The following EIF2AK1 variants were observed in gnomAD, a reference collection of about 807,000 sequenced individuals.
The protein encoded by EIF2AK1 is eukaryotic translation initiation factor 2-alpha kinase 1.
EIF2AK1 carries 54 observed loss-of-function variants against 77.9 expected under a neutral mutation model. That is an observed-to-expected ratio of 0.69 (90% CI 0.56 to 0.87). The LOEUF (loss-of-function observed/expected upper bound fraction) is 0.87, where lower values mean the gene tolerates loss of function less well. Ranked by LOEUF, EIF2AK1 falls within the 40% of genes least tolerant of loss-of-function variation. EIF2AK1 has a pLI of 0.00. For missense variants in EIF2AK1, 810 were observed against 768.6 expected (o/e 1.05, Z -0.64); for synonymous variants, 314 against 290.5 (o/e 1.08, Z -0.82).
rs56841160 is a variant in EIF2AK1, at chr7:6,036,112, C to A, written c.1332+1312G>T. 2.5e-4 allele frequency: 395 copies of A among 1,550,728 alleles called. 1 individual carries two copies. In the African/African-American group the frequency reaches 5.0e-3, roughly 20 times the overall value. The stretch of plus-strand genomic sequence containing the variant: ...CAGCGCAGTTGCAATGTAAGAGATA[C>A]GGCACTTCTGGCCAGGCTACTTTAT... On this transcript the variant is annotated intron_variant, in intron 11 of 14. Transcript: ENST00000199389. This position sits in a 1 kb window ranked among gnomAD's most constrained non-coding sequence, Gnocchi z 4.6.
chr7:6,055,033 G>A (rs1583501157), intron 1 of EIF2AK1, among the ~76,000 whole-genome samples: 1 of 152,156 alleles, frequency 6.6e-6, no homozygotes, highest in East Asian at 1.9e-4. Context: ...CAAGACCCAG[G>A]CATAAAGAAA....
chr7:6,051,885 C>T (rs1186890366), intron 2 of EIF2AK1, among the ~76,000 whole-genome samples: 6 of 151,994 alleles, frequency 3.9e-5, no homozygotes, highest in African/African-American at 1.4e-4. Flanking sequence ...AAACTTCAGT[C>T]ATCTAGACTG....
rs763946622 is a variant in EIF2AK1 at position 6,054,555 on chromosome 7, C to T, written c.268G>A (p.Val90Met). ...ATTTATTCTTACTTACGCTTAAACA[C>T]CTGTCTTGAACGAAGTGGGTTTGGT... ...HEPNPLRSRQ[V>M]FKLLCQTFIK... The change falls in exon 2 of 15, where the codon GTG becomes ATG. Residue 90 changes from valine to methionine, a missense_variant. By Grantham distance (21) the Val-to-Met change is conservative. Coordinates refer to ENST00000199389, the MANE Select transcript of EIF2AK1 (RefSeq NM_014413.4). 4 of 1,613,954 alleles carry T rather than the reference C, an allele frequency of 2.5e-6. No homozygotes were observed. In the East Asian group the frequency reaches 6.7e-5, roughly 27 times the overall value.
Position 6,032,778 on chromosome 7 carries a change from C to A in EIF2AK1, c.1333-3746G>T. ...TATTGCCTTTGAAACGGCAAGCTAA[C>A]ACAAACAGTATTTTTAACTACACAG... On this transcript the variant is annotated intron_variant, in intron 11 of 14. Coordinates refer to ENST00000199389, the MANE Select transcript of EIF2AK1 (RefSeq NM_014413.4). This position sits in a 1 kb window ranked among gnomAD's most constrained non-coding sequence, Gnocchi z 4.3. The A allele has an allele frequency of 1.4e-6, 2 of 1,385,126 alleles. No homozygotes were observed. The highest frequency in any genetic ancestry group is 2.0e-6 in the Non-Finnish European group (2 of 1,001,588). 85.8% of individuals were successfully genotyped at this position (1,385,126 alleles called of 1,614,324 possible). A position where few individuals can be genotyped will look rare whatever the true frequency, so the allele number is the denominator to read the frequency against.
chr7:6,026,078 T>G (rs1583473159), intron 14 of EIF2AK1, among the ~76,000 whole-genome samples: 1 of 151,852 alleles, frequency 6.6e-6, no homozygotes, highest in Non-Finnish European at 1.5e-5. Context: ...CTCTCCCCGG[T>G]GGTCCAATGA....
chr7:6,041,713 C>A (rs1405586026), intron 8 of EIF2AK1, among the ~76,000 whole-genome samples: 1 of 151,868 alleles, frequency 6.6e-6, no homozygotes, highest in Non-Finnish European at 1.5e-5. Context: ...TGGTGGCATG[C>A]GCCTATAGTC....
intron 7 of EIF2AK1, among the ~76,000 whole-genome samples, chr7:6,043,371 G>A (rs1788350407): frequency 6.6e-6 from 1 of 151,986 alleles, no homozygotes; most frequent in African/African-American, 2.4e-5. Flanking sequence ...GAGCTCAGGT[G>A]TTTAAGAACA....
At chr7:6,031,485 TGA>T (rs751430668) in intron 11 of EIF2AK1, 279 of 1,550,596 alleles carry the variant, frequency 1.8e-4, no homozygotes, top group Non-Finnish European at 2.3e-4. Context: ...GAAGCCATCA[TGA>T]GAGAAGACTG....
rs115967281 is a variant in EIF2AK1, at chr7:6,054,060, C to T, written c.277+486G>A. Among the ~76,000 whole-genome samples, 307 of 152,052 alleles carry T rather than the reference C, an allele frequency of 2.0e-3. 2 individuals are homozygous for T. The highest frequency in any genetic ancestry group is 7.2e-3 in the African/African-American group (298 of 41,488). On this transcript the variant is annotated intron_variant, in intron 2 of 14. Coordinates refer to ENST00000199389, the MANE Select transcript of EIF2AK1 (RefSeq NM_014413.4). Reference sequence around the variant, plus strand: ...TATCAAATACTAGATCCAATTTATTCTAACTATATTTTTGTACCCATTAAC... The same window carrying T: ...TATCAAATACTAGATCCAATTTATTTTAACTATATTTTTGTACCCATTAAC...
At chr7:6,043,043 T>C (rs780148673) in intron 7 of EIF2AK1, 50 bp from the exon 8 acceptor site, 32 of 1,573,260 alleles carry the variant, frequency 2.0e-5, no homozygotes, top group African/African-American at 1.8e-4. Flanking sequence ...GTTTTTCAAA[T>C]TGTAGTCAAA....
rs1485287082 is a variant in EIF2AK1 at position 6,049,906 on chromosome 7, G to A, written c.411+6C>T. On this transcript the variant is annotated splice_donor_region_variant and intron_variant, in intron 3 of 14. Coordinates refer to ENST00000199389, the MANE Select transcript of EIF2AK1 (RefSeq NM_014413.4). ...TCATACCCAAAGTATATTTTTTAGGGCTTACCTGACGAACTCTCTCTTTAG... is the reference window on the plus strand; with the variant it reads ...TCATACCCAAAGTATATTTTTTAGGACTTACCTGACGAACTCTCTCTTTAG... 1 of 1,605,584 alleles carries A rather than the reference G, an allele frequency of 6.2e-7. No homozygotes were observed. Among genetic ancestry groups the A allele is most frequent in the Non-Finnish European group, 8.5e-7 (1 of 1,177,946 alleles).
At chr7:6,040,565 G>A (rs549847080) in intron 9 of EIF2AK1, among the ~76,000 whole-genome samples, 1 of 152,124 alleles carries the variant, frequency 6.6e-6, no homozygotes, top group South Asian at 2.1e-4. Context: ...CTGCAAAATC[G>A]TTTTGCATAA....
Position 6,023,220 on chromosome 7 carries a change from G to A in EIF2AK1, c.*1453C>T. ...CCCATGTCATCAGTCTGTGGTGTTT[G>A]GTGACTGTCCCCTTCCCCACTGTGC... is the stretch of plus-strand genomic sequence containing the variant. On this transcript the variant is annotated 3_prime_UTR_variant, in exon 15 of 15. Coordinates refer to ENST00000199389, the MANE Select transcript of EIF2AK1 (RefSeq NM_014413.4). 2 of 1,454,576 alleles carry A rather than the reference G, an allele frequency of 1.4e-6. No individual in the cohort carries two copies. The highest frequency in any genetic ancestry group is 9.2e-7 in the Non-Finnish European group (1 of 1,091,954). The allele number at this position is 1,454,576 out of a possible 1,614,324, so 90.1% of individuals were successfully genotyped here.
intron 13 of EIF2AK1, chr7:6,028,011 T>C (rs1297150091): frequency 2.0e-5 from 9 of 452,478 alleles, no homozygotes; most frequent in Non-Finnish European, 4.0e-5. Context: ...TGCCATGAGC[T>C]ATGATGACAC....
In EIF2AK1 at chr7:6,041,134, CA is replaced by C. The variant is rs1475860967; in HGVS notation, c.876del (p.Phe292LeufsTer14). 1.2e-6 allele frequency: 2 copies of C among 1,613,948 alleles called. No homozygotes were observed. The highest frequency in any genetic ancestry group is 1.7e-6 in the Non-Finnish European group (2 of 1,180,012). On this transcript the variant is annotated frameshift_variant, in exon 9 of 15. Coordinates refer to ENST00000199389, the MANE Select transcript of EIF2AK1 (RefSeq NM_014413.4). LOFTEE classifies it high-confidence loss of function. ...TTCTGATTTTCAGTGTCAGATTCTC[CA>C]AAGCGTTTTTCTTTTTCTGGGGTGG... Reference protein sequence around the residue: ...AEPTPEKEKRFGESDTENQNN... With the variant: ...AEPTPEKEKRXGESDTENQNN...
Position 6,028,597 on chromosome 7 carries a change from G to A in EIF2AK1, c.1530+18C>T. 6.2e-7 allele frequency: 1 copy of A among 1,613,020 alleles called. No individual in the cohort carries two copies. The highest frequency in any genetic ancestry group is 8.5e-7 in the Non-Finnish European group (1 of 1,179,012). The stretch of plus-strand genomic sequence containing the variant: ...GCAGAATAAGTTGAATGAAAGGGCA[G>A]AAAGCAACAAATACTACCTTGGCAT... On this transcript the variant is annotated intron_variant, in intron 13 of 14. Transcript: ENST00000199389.
intron 14 of EIF2AK1, 194 bp downstream of exon 14, chr7:6,026,534 G>C: frequency 1.4e-6 from 1 of 705,690 alleles, no homozygotes; most frequent in Non-Finnish European, 2.6e-6. Flanking sequence ...CTACCCCAAG[G>C]GGAGTGAGTC....
chr7:6,048,637 G>C (rs142135663), intron 4 of EIF2AK1, among the ~76,000 whole-genome samples, 170 bp downstream of exon 4: 1 of 152,248 alleles, frequency 6.6e-6, no homozygotes, highest in African/African-American at 2.4e-5. Context: ...TCAAAGAGGA[G>C]GGAATAAGAA....
chr7:6,043,195 T>A (rs1353296101), intron 7 of EIF2AK1, among the ~76,000 whole-genome samples: 2 of 151,864 alleles, frequency 1.3e-5, no homozygotes, highest in Non-Finnish European at 2.9e-5. Flanking sequence ...ATACGAGGGG[T>A]CAGCAAACAG....
Sources: allele counts gnomAD v4.1 joint callset (sites outside exome capture counted in the v4.1 genomes callset), GRCh38; gene constraint gnomAD v4.1.1; non-coding constraint Gnocchi (gnomAD v3.1); transcripts MANE v1.5; gene names NCBI Gene and HGNC (gene_info 2026-07-23, HGNC 2026-07-21).